The following ABCG2 variants were observed in gnomAD, a reference collection of about 807,000 sequenced individuals.
The protein encoded by ABCG2 is ATP binding cassette subfamily G member 2 (JR blood group), also known as broad substrate specificity ATP-binding cassette transporter ABCG2.
Under a neutral mutation model 73.5 loss-of-function variants are expected in ABCG2, and 80 were observed. That is an observed-to-expected ratio of 1.09 (90% CI 0.91 to 1.31). The LOEUF is 1.31. Ranked by LOEUF, ABCG2 falls within the 50% of genes most tolerant of loss-of-function variation. The pLI is 0.00. For missense variants in ABCG2, 796 were observed against 786.2 expected, an observed-to-expected ratio of 1.01 and a Z score of -0.15; for synonymous variants, 269 against 282.4, an observed-to-expected ratio of 0.95 and a Z score of 0.48.
intron 1 of ABCG2, among the ~76,000 whole-genome samples, chr4:88,156,290 G>T (rs926793048): frequency 6.9e-6 from 1 of 145,128 alleles, no homozygotes; most frequent in African/African-American, 2.5e-5. Flanking sequence ...CACAAGAATC[G>T]CTTGAGCCTG....
intron 10 of ABCG2, among the ~76,000 whole-genome samples, chr4:88,101,784 C>G (rs1722440195): frequency 6.6e-6 from 1 of 152,188 alleles, no homozygotes; most frequent in South Asian, 2.1e-4. Context: ...AGGGCCCTCA[C>G]CAGAACCCAG....
At position 88,095,519 on chromosome 4, in the gene ABCG2, C is replaced by T; in HGVS notation, c.1737+1G>A. 6.2e-7 allele frequency: 1 copy of T among 1,611,470 alleles called. No individual in the cohort carries two copies. The highest frequency in any genetic ancestry group is 8.5e-7 in the Non-Finnish European group (1 of 1,177,726). ...CACAGTGACAGACAAGGAAGACATACCGTAAATCCATATCGTGGAATGCTG... is the reference window on the plus strand; with the variant it reads ...CACAGTGACAGACAAGGAAGACATATCGTAAATCCATATCGTGGAATGCTG... On this transcript the variant is annotated splice_donor_variant, in intron 14 of 15. Transcript: ENST00000237612. LOFTEE classifies it high-confidence loss of function.
At chr4:88,193,595 G>A (rs985820572) in intron 1 of ABCG2, among the ~76,000 whole-genome samples, 1 of 152,038 alleles carries the variant, frequency 6.6e-6, no homozygotes, top group African/African-American at 2.4e-5. Context: ...CTGGATCATA[G>A]GCAATACAAT....
chr4:88,147,382 T>G (rs1486741095), intron 1 of ABCG2, among the ~76,000 whole-genome samples: 1 of 152,258 alleles, frequency 6.6e-6, no homozygotes, highest in Non-Finnish European at 1.5e-5. Context: ...TCTGCAAGCT[T>G]GGGTCACAGA....
intron 10 of ABCG2, among the ~76,000 whole-genome samples, chr4:88,105,875 T>C (rs759614126): frequency 6.6e-6 from 1 of 152,148 alleles, no homozygotes; most frequent in African/African-American, 2.4e-5. Context: ...AATTTTAAAA[T>C]GGGCAAAGGA....
intron 1 of ABCG2, among the ~76,000 whole-genome samples, chr4:88,142,626 A>T (rs1052583232): frequency 1.3e-5 from 2 of 152,170 alleles, no homozygotes; most frequent in African/African-American, 4.8e-5. Context: ...TCTGCATCTG[A>T]AGATTCAACC....
At chr4:88,123,086 C>A (rs1404180140) in intron 5 of ABCG2, among the ~76,000 whole-genome samples, 1 of 152,124 alleles carries the variant, frequency 6.6e-6, no homozygotes, top group African/African-American at 2.4e-5. Context: ...AGCAGAGAGG[C>A]CTGACTGTTA....
intron 7 of ABCG2, among the ~76,000 whole-genome samples, 188 bp downstream of exon 7, chr4:88,117,921 T>G (rs1257562831): frequency 2.0e-5 from 3 of 152,096 alleles, no homozygotes; most frequent in Admixed American, 6.6e-5. Context: ...GAAAGATACC[T>G]AAATAACAAG....
intron 1 of ABCG2, 94 bp from the exon 2 acceptor site, chr4:88,140,108 A>C: frequency 9.8e-7 from 1 of 1,017,964 alleles, no homozygotes; most frequent in Non-Finnish European, 1.4e-6. Context: ...CCATTTTTAA[A>C]TGTGCGGCAA....
intron 5 of ABCG2, among the ~76,000 whole-genome samples, chr4:88,125,288 T>C (rs537613037): frequency 2.2e-5 from 3 of 133,708 alleles, no homozygotes; most frequent in Admixed American, 8.1e-5. Context: ...CGAGACTCTG[T>C]CTCAAAAAAA....
intron 1 of ABCG2, among the ~76,000 whole-genome samples, chr4:88,179,184 C>T (rs62310625): frequency 0.14 from 20,841 of 152,044 alleles, 2,297 homozygotes; most frequent in African/African-American, 0.3. Context: ...TAGCTCCAGG[C>T]GGCTGAGCAC....
At chr4:88,092,944 G>A (rs913868557) in intron 15 of ABCG2, among the ~76,000 whole-genome samples, 1 of 152,156 alleles carries the variant, frequency 6.6e-6, no homozygotes, top group Non-Finnish European at 1.5e-5. Flanking sequence ...TCCTGCCAAA[G>A]TCATGTTCTG....
intron 5 of ABCG2, among the ~76,000 whole-genome samples, chr4:88,128,322 T>A (rs1221927422): frequency 6.6e-6 from 1 of 152,210 alleles, no homozygotes; most frequent in Non-Finnish European, 1.5e-5. Context: ...ACACTGTTGA[T>A]GGGAGTGTAA....
At chr4:88,222,009 G>A (rs554555755) in intron 1 of ABCG2, among the ~76,000 whole-genome samples, 1 of 152,332 alleles carries the variant, frequency 6.6e-6, no homozygotes, top group South Asian at 2.1e-4. Context: ...GACTAGGAGG[G>A]AAAAGTGGTT....
rs552287111 is a variant in ABCG2 at position 88,130,043 on chromosome 4, T to A, written c.531+1018A>T. 4.5e-4 allele frequency among the ~76,000 whole-genome samples: 68 copies of A among 151,966 alleles called. 1 individual carries two copies. The highest frequency in any genetic ancestry group is 1.5e-3 in the African/African-American group (64 of 41,474). ...ACAAAACTATTAAAAGAAAGGCTATTAAAAAAAACAGACACTACATAAATG... is the reference window on the plus strand; with the variant it reads ...ACAAAACTATTAAAAGAAAGGCTATAAAAAAAAACAGACACTACATAAATG... On this transcript the variant is annotated intron_variant, in intron 5 of 15. Coordinates refer to ENST00000237612, the MANE Select transcript of ABCG2 (RefSeq NM_004827.3).
At chr4:88,154,477 T>C (rs976654159) in intron 1 of ABCG2, among the ~76,000 whole-genome samples, 6 of 152,076 alleles carry the variant, frequency 3.9e-5, no homozygotes, top group Non-Finnish European at 5.9e-5. Context: ...TGAGCGGTAG[T>C]GGAGGGGGGC....
intron 5 of ABCG2, among the ~76,000 whole-genome samples, chr4:88,130,784 T>TG (rs1040020827): frequency 2.6e-5 from 4 of 151,752 alleles, no homozygotes; most frequent in Non-Finnish European, 5.9e-5. Context: ...AACCATGAGG[T>TG]GGGGGAGGAG....
chr4:88,113,631 T>C, intron 8 of ABCG2, 78 bp from the exon 9 acceptor site: 1 of 1,534,142 alleles, frequency 6.5e-7, no homozygotes, highest in Non-Finnish European at 8.8e-7. Flanking sequence ...GAACCCTTTC[T>C]TGGATGCTTC....
chr4:88,162,031 C>A (rs1024366745), upstream of ABCG2, among the ~76,000 whole-genome samples: 5 of 151,694 alleles, frequency 3.3e-5, no homozygotes, highest in African/African-American at 1.2e-4. Flanking sequence ...TTGTTTTTTT[C>A]TTGTAAATTT....
Sources: allele counts gnomAD v4.1 joint callset (sites outside exome capture counted in the v4.1 genomes callset), GRCh38; gene constraint gnomAD v4.1.1; transcripts MANE v1.5; gene names NCBI Gene and HGNC (gene_info 2026-07-23, HGNC 2026-07-21).